H6PD: variants seen among roughly 807,000 people sequenced by gnomAD.
H6PD encodes GDH/6PGL endoplasmic bifunctional protein.
In H6PD, 48 loss-of-function variants were observed where a neutral mutation model predicts 61.2. The observed-to-expected ratio is 0.78, with a 90% confidence interval of 0.62 to 1.00. The LOEUF is 1.00. Ranked by LOEUF, H6PD falls within the 50% of genes least tolerant of loss-of-function variation. The probability of loss-of-function intolerance (pLI) is 0.00; values close to 1 mark genes in which losing one functional copy is unlikely to be tolerated. For missense variants in H6PD, 1,093 were observed against 1,065.0 expected, an observed-to-expected ratio of 1.03 and a Z score of -0.37; for synonymous variants, 480 against 457.9, an observed-to-expected ratio of 1.05 and a Z score of -0.62.
At chr1:9,257,497 C>T (rs1425185892) in intron 3 of H6PD, among the ~76,000 whole-genome samples, 1 of 152,196 alleles carries the variant, frequency 6.6e-6, no homozygotes, top group Admixed American at 6.5e-5. Context: ...TTTCTCACCA[C>T]ATTACGTCTT....
chr1:9,264,944 C>T lies in H6PD; in HGVS notation c.*75C>T. 1 of 1,521,624 alleles carries T rather than the reference C, an allele frequency of 6.6e-7. No homozygotes were observed. Among genetic ancestry groups the T allele is most frequent in the Non-Finnish European group, 9.0e-7 (1 of 1,112,960 alleles). The allele number at this position is 1,521,624 out of a possible 1,614,324, so 94.3% of individuals were successfully genotyped here. On this transcript the variant is annotated 3_prime_UTR_variant, in exon 5 of 5. Transcript: ENST00000377403. ...TGTCTTCCCTCCCTTCTCGGCCCCGCCACCTGCCCAGCGTGCCCTGGCTCT... is the reference window on the plus strand; with the variant it reads ...TGTCTTCCCTCCCTTCTCGGCCCCGTCACCTGCCCAGCGTGCCCTGGCTCT...
chr1:9,263,375 G>A, intron 4 of H6PD, 134 bp from the exon 5 acceptor site: 1 of 826,178 alleles, frequency 1.2e-6, no homozygotes. Context: ...GCCAGGCGAG[G>A]GGTGAGCATG....
At position 9,270,895 on chromosome 1, in the gene H6PD, T is replaced by C. The variant is rs1480816305; in HGVS notation, c.*6026T>C. On this transcript the variant is annotated 3_prime_UTR_variant, in exon 5 of 5. Transcript: ENST00000377403. ...ACCCCACTGGTTTTTGTGGAAACAA[T>C]GGAAACTTACAGATGCCTGCCTGGG... 2 of 151,652 alleles carry C rather than the reference T, an allele frequency of 1.3e-5. No individual in the cohort carries two copies. Among genetic ancestry groups the C allele is most frequent in the Admixed American group, 6.6e-5 (1 of 15,242 alleles). 9.4% of individuals were successfully genotyped at this position (151,652 alleles called of 1,614,324 possible). A position where few individuals can be genotyped will look rare whatever the true frequency, so the allele number is the denominator to read the frequency against.
intron 1 of H6PD, among the ~76,000 whole-genome samples, chr1:9,240,428 C>T (rs770291016): frequency 4.6e-5 from 7 of 152,078 alleles, no homozygotes; most frequent in Admixed American, 1.3e-4. Flanking sequence ...TAATAGGGTG[C>T]GGATCACCTT....
At chr1:9,244,895 G>A (rs772370311) in intron 1 of H6PD, 30 bp from the exon 2 acceptor site, 10 of 1,609,702 alleles carry the variant, frequency 6.2e-6, no homozygotes, top group Non-Finnish European at 8.5e-6. Flanking sequence ...ATCCTTCCTT[G>A]TTCCTCGTCT....
chr1:9,250,774 G>T (rs913332484), intron 3 of H6PD, among the ~76,000 whole-genome samples: 40 of 152,200 alleles, frequency 2.6e-4, no homozygotes, highest in African/African-American at 9.2e-4. Flanking sequence ...CCGGGAAAGG[G>T]ACTTCTGAGC....
Position 9,241,596 on chromosome 1 carries a change from C to T in H6PD, c.-10-3329C>T, listed in dbSNP as rs184349780. Among the ~76,000 whole-genome samples the T allele has an allele frequency of 6.2e-4, 95 of 152,192 alleles. 1 individual carries two copies. The highest frequency in any genetic ancestry group is 1.9e-3 in the African/African-American group (77 of 41,512). ...ATATTTTTTGTAGAGATGGGGGTCT[C>T]GCTGTGTTGCCCAGGCTGGTCTGGA... is the stretch of plus-strand genomic sequence containing the variant. On this transcript the variant is annotated intron_variant, in intron 1 of 4. Transcript: ENST00000377403.
chr1:9,264,654 A>G lies in H6PD; in HGVS notation c.2161A>G (p.Ser721Gly), dbSNP rs142275550. 1.6e-5 allele frequency: 25 copies of G among 1,612,624 alleles called. 1 individual carries two copies. The South Asian group carries it at 2.4e-4, about 16-fold the overall frequency. Residue 721 changes from serine (S) to glycine (G), a missense_variant, in exon 5 of 5, where the codon AGC (serine) becomes GGC (glycine). By Grantham distance (56) the Ser-to-Gly change is moderately conservative. Transcript: ENST00000377403. ...CGAGCAGCTGGTCGTGCTGACCACGAGCCCCTCCCAGCCACACCGCCGCAT... is the reference window on the plus strand; with the variant it reads ...CGAGCAGCTGGTCGTGCTGACCACGGGCCCCTCCCAGCCACACCGCCGCAT... ...DGEQLVVLTT[S>G]PSQPHRRMSL...
chr1:9,253,843 G>GT (rs1159536688), intron 3 of H6PD, among the ~76,000 whole-genome samples: 3 of 152,202 alleles, frequency 2.0e-5, no homozygotes, highest in Non-Finnish European at 2.9e-5. Flanking sequence ...GACCAGGCTG[G>GT]TAGCCCTTCT....
chr1:9,253,403 G>A (rs2100357086), intron 3 of H6PD, among the ~76,000 whole-genome samples: 1 of 152,324 alleles, frequency 6.6e-6, no homozygotes, highest in South Asian at 2.1e-4. Context: ...GGACTCTGTT[G>A]TGTTCCCTTC....
chr1:9,243,988 C>G (rs562954715), intron 1 of H6PD, among the ~76,000 whole-genome samples: 4 of 152,264 alleles, frequency 2.6e-5, no homozygotes, highest in African/African-American at 9.6e-5. Context: ...GTCCCAGCTC[C>G]CCTGCTTTCT....
At chr1:9,255,731 T>C (rs1641497208) in intron 3 of H6PD, among the ~76,000 whole-genome samples, 1 of 152,218 alleles carries the variant, frequency 6.6e-6, no homozygotes, top group Non-Finnish European at 1.5e-5. Context: ...ACCACCTGAA[T>C]GCACCTGAGG....
Position 9,263,728 on chromosome 1 carries a change from T to C in H6PD, c.1235T>C (p.Val412Ala). ...IGHGDLGSPA[V>A]LVSRNLFRPS... ...CATGGCGACCTGGGCAGCCCTGCCG[T>C]GCTGGTCAGCAGGAACCTGTTCAGG... Residue 412 changes from valine to alanine, a missense_variant, in exon 5 of 5, where the codon GTG (valine) becomes GCG (alanine). Physicochemically the swap from Val to Ala is moderately conservative, Grantham distance 64 (BLOSUM62 0). Transcript: ENST00000377403. 2 of 1,613,984 alleles carry C rather than the reference T, an allele frequency of 1.2e-6. No individual in the cohort carries two copies. The highest frequency in any genetic ancestry group is 1.7e-6 in the Non-Finnish European group (2 of 1,179,988).
rs182950228 is a variant in H6PD, at chr1:9,263,080, C to T, written c.1016-429C>T. Among the ~76,000 whole-genome samples, 25 of 152,194 alleles carry T rather than the reference C, an allele frequency of 1.6e-4. No individual in the cohort carries two copies. In the East Asian group the frequency reaches 3.3e-3, roughly 20 times the overall value. On this transcript the variant is annotated intron_variant, in intron 4 of 4. Coordinates refer to ENST00000377403, the MANE Select transcript of H6PD (RefSeq NM_004285.4). ...TCCTCACCCCGCACCTCTGACCCTG[C>T]GTCGGGTGCATCCTGAATGCTTCAC... is the stretch of plus-strand genomic sequence containing the variant.
At chr1:9,253,535 A>T (rs895609730) in intron 3 of H6PD, among the ~76,000 whole-genome samples, 3 of 152,332 alleles carry the variant, frequency 2.0e-5, no homozygotes, top group Admixed American at 2.0e-4. Context: ...GTTTATCCTT[A>T]ATAGGGTGAC....
chr1:9,247,943 C>A (rs1570095565), intron 3 of H6PD, among the ~76,000 whole-genome samples: 1 of 152,252 alleles, frequency 6.6e-6, no homozygotes, highest in Non-Finnish European at 1.5e-5. Context: ...ACTGTGTCCC[C>A]AGTCCCCAGC....
intron 4 of H6PD, 143 bp from the exon 5 acceptor site, chr1:9,263,366 C>A: frequency 1.3e-6 from 1 of 792,806 alleles, no homozygotes; most frequent in Non-Finnish European, 2.2e-6. Flanking sequence ...GGAAGAGATG[C>A]CAGGCGAGGG....
chr1:9,263,397 G>C (rs900592496), intron 4 of H6PD, 112 bp from the exon 5 acceptor site: 2 of 901,868 alleles, frequency 2.2e-6, no homozygotes, highest in Non-Finnish European at 3.5e-6. Context: ...CAAGGCGAGG[G>C]GCTTCCCTGA....
chr1:9,240,083 G>A, intron 1 of H6PD: 1 of 1,064,314 alleles, frequency 9.4e-7, no homozygotes, highest in Non-Finnish European at 1.2e-6. Context: ...AGTGAAGGGT[G>A]CCCAGGACTG....
Sources: allele counts gnomAD v4.1 joint callset (sites outside exome capture counted in the v4.1 genomes callset), GRCh38; gene constraint gnomAD v4.1.1; transcripts MANE v1.5; gene names NCBI Gene and HGNC (gene_info 2026-07-23, HGNC 2026-07-21).